Variants in IL1RAPL2 observed in about 807,000 individuals in gnomAD.
The protein encoded by IL1RAPL2 is interleukin 1 receptor accessory protein like 2, also known as X-linked interleukin-1 receptor accessory protein-like 2.
A neutral mutation model predicts 44.1 loss-of-function variants in IL1RAPL2; 3 were observed. That is an observed-to-expected ratio of 0.07 (90% CI 0.03 to 0.18). IL1RAPL2 has a LOEUF of 0.18. Among genes scored for constraint, IL1RAPL2 ranks in the 10% least tolerant of loss-of-function variants. The pLI is 1.00. For missense variants in IL1RAPL2, 391 were observed against 496.4 expected, an observed-to-expected ratio of 0.79 and a Z score of 2.02; for synonymous variants, 181 against 178.8, an observed-to-expected ratio of 1.01 and a Z score of -0.10.
In IL1RAPL2 at chrX:105,584,532, GT is replaced by G. The variant is rs11461799; in HGVS notation, c.772+100156del. Among the ~76,000 whole-genome samples, 544 of 100,337 alleles carry G rather than the reference GT, an allele frequency of 5.4e-3. 7 individuals carry two copies. Among genetic ancestry groups the G allele is most frequent in the African/African-American group, 0.018 (506 of 27,726 alleles). The allele number at this position is 100,337 out of a possible 115,157, so 87.1% of individuals were successfully genotyped here. A position where few individuals can be genotyped will look rare whatever the true frequency, so the allele number is the denominator to read the frequency against. ...CTGAGGACAGTACATAGTTGTTTCT[GT>G]TTTTTTTTTTCTTGTCTCACTTGAT... On this transcript the variant is annotated intron_variant, in intron 6 of 10. Transcript: ENST00000372582.
chrX:105,219,301 G>A (rs1253042395), intron 3 of IL1RAPL2: 5 of 1,208,130 alleles, frequency 4.1e-6, no homozygotes, highest in Non-Finnish European at 5.6e-6. Flanking sequence ...TGAGTATGAG[G>A]CAGGGAGCTG....
At chrX:104,975,575 ACTACT>A (rs1421979299) in intron 2 of IL1RAPL2, among the ~76,000 whole-genome samples, 4 of 112,801 alleles carry the variant, frequency 3.5e-5, no homozygotes, top group African/African-American at 9.6e-5. Flanking sequence ...AACTTAACAA[ACTACT>A]CTATAAACTT....
chrX:105,627,995 T>G (rs1202355930), intron 6 of IL1RAPL2, among the ~76,000 whole-genome samples: 1 of 111,193 alleles, frequency 9.0e-6, no homozygotes, highest in Non-Finnish European at 1.9e-5. Context: ...CAGAATTCCT[T>G]TATTTTGCTG....
rs149564243 is a variant in IL1RAPL2 at position 104,741,599 on chromosome X, A to G, written c.82+82604A>G. On this transcript the variant is annotated intron_variant, in intron 2 of 10. Transcript: ENST00000372582. ...CATTAATTTGTAATAACATCTATAAATTTTTGTTTGTAATATTTATAAACA... is the reference window on the plus strand; with the variant it reads ...CATTAATTTGTAATAACATCTATAAGTTTTTGTTTGTAATATTTATAAACA... Among the ~76,000 whole-genome samples the G allele has an allele frequency of 5.0e-4, 56 of 110,988 alleles. No homozygotes were observed. The East Asian group carries it at 0.015, about 30-fold the overall frequency.
At chrX:105,620,720 G>T (rs1184096991) in intron 6 of IL1RAPL2, among the ~76,000 whole-genome samples, 1 of 109,937 alleles carries the variant, frequency 9.1e-6, no homozygotes, top group African/African-American at 3.3e-5. Flanking sequence ...CAGATGGAAA[G>T]CATAACATTA....
At chrX:105,604,148 T>A (rs1049959865) in intron 6 of IL1RAPL2, among the ~76,000 whole-genome samples, 3 of 106,868 alleles carry the variant, frequency 2.8e-5, no homozygotes, top group East Asian at 3.0e-4. Context: ...TAGAAGAAAA[T>A]AAATAATATC....
intron 2 of IL1RAPL2, among the ~76,000 whole-genome samples, chrX:105,062,467 A>G (rs1192000446): frequency 6.3e-5 from 7 of 111,581 alleles, no homozygotes; most frequent in Non-Finnish European, 1.3e-4. Context: ...AGAGTAGTTT[A>G]CACACTACAC....
chrX:104,958,049 A>G (rs2081564653), intron 2 of IL1RAPL2, among the ~76,000 whole-genome samples: 1 of 112,111 alleles, frequency 8.9e-6, no homozygotes, highest in African/African-American at 3.2e-5. Context: ...CTATGATTGC[A>G]TCACTGCATC....
At chrX:104,798,973 A>G (rs1218775423) in intron 2 of IL1RAPL2, among the ~76,000 whole-genome samples, 1 of 111,226 alleles carries the variant, frequency 9.0e-6, no homozygotes, top group Non-Finnish European at 1.9e-5. Context: ...AACTAATTAT[A>G]ACTTAATTTT....
intron 3 of IL1RAPL2, among the ~76,000 whole-genome samples, chrX:105,216,417 G>A (rs1292291056): frequency 9.1e-6 from 1 of 110,271 alleles, no homozygotes; most frequent in African/African-American, 3.3e-5. Flanking sequence ...CGTCTTCAAG[G>A]AGATCTACAA....
At chrX:104,841,943 A>C (rs1921912742) in intron 2 of IL1RAPL2, among the ~76,000 whole-genome samples, 1 of 110,413 alleles carries the variant, frequency 9.1e-6, no homozygotes. Context: ...CTGTCTTGCT[A>C]GGTTGGGGAA....
chrX:104,759,087 C>A (rs758695192), intron 2 of IL1RAPL2, among the ~76,000 whole-genome samples: 1 of 112,610 alleles, frequency 8.9e-6, no homozygotes, highest in South Asian at 3.6e-4. Flanking sequence ...CTCTTAATAG[C>A]AAAGATTGAG....
rs745597514 is a variant in IL1RAPL2, at chrX:105,378,765, C to CTAACTGTA, written c.698-105548_698-105547insTAACTGTA. On this transcript the variant is annotated intron_variant, in intron 5 of 10. Coordinates refer to ENST00000372582, the MANE Select transcript of IL1RAPL2 (RefSeq NM_017416.2). The stretch of plus-strand genomic sequence containing the variant: ...TACCTTCTATTCTCTGTAACATGTT[C>CTAACTGTA]ACTAACTAGGAGCATGTTCTCTCAC... 5.9e-3 allele frequency among the ~76,000 whole-genome samples: 658 copies of CTAACTGTA among 112,202 alleles called. 2 individuals carry two copies. Among genetic ancestry groups the CTAACTGTA allele is most frequent in the Non-Finnish European group, 8.4e-3 (446 of 53,084 alleles).
intron 2 of IL1RAPL2, among the ~76,000 whole-genome samples, chrX:105,152,992 A>G (rs1259275878): frequency 3.6e-5 from 4 of 112,592 alleles, no homozygotes; most frequent in African/African-American, 1.3e-4. Flanking sequence ...TGGGTGCACA[A>G]TCATACTAAG....
At position 104,824,169 on chromosome X, in the gene IL1RAPL2, G is replaced by A. The variant is rs186052036; in HGVS notation, c.82+165174G>A. Among the ~76,000 whole-genome samples the A allele has an allele frequency of 5.8e-3, 650 of 112,234 alleles. 2 individuals carry two copies. Among genetic ancestry groups the A allele is most frequent in the Non-Finnish European group, 9.2e-3 (488 of 53,273 alleles). ...TCATGTGGTTTTTGTCATTGTTTCTGTTTATGTGATGGATTACATTTATTG... is the reference window on the plus strand; with the variant it reads ...TCATGTGGTTTTTGTCATTGTTTCTATTTATGTGATGGATTACATTTATTG... On this transcript the variant is annotated intron_variant, in intron 2 of 10. Transcript: ENST00000372582.
At chrX:105,050,336 A>T (rs1050748522) in intron 2 of IL1RAPL2, among the ~76,000 whole-genome samples, 1 of 112,131 alleles carries the variant, frequency 8.9e-6, no homozygotes, top group Non-Finnish European at 1.9e-5. Context: ...AGTTGCTATA[A>T]GATGATGCTA....
Position 105,704,763 on chromosome X carries a change from T to C in IL1RAPL2, c.773-12604T>C, listed in dbSNP as rs2038150292. Among the ~76,000 whole-genome samples, 3 of 111,074 alleles carry C rather than the reference T, an allele frequency of 2.7e-5. No individual in the cohort carries two copies. In the Admixed American group the frequency reaches 2.9e-4, roughly 11 times the overall value. On this transcript the variant is annotated intron_variant, in intron 6 of 10. Coordinates refer to ENST00000372582, the MANE Select transcript of IL1RAPL2 (RefSeq NM_017416.2). Reference sequence around the variant, plus strand: ...CCCAGCATGCATTAGCTATTTTTCCTAATGTTCTCCCTCCCACCACCCCAC... The same window carrying C: ...CCCAGCATGCATTAGCTATTTTTCCCAATGTTCTCCCTCCCACCACCCCAC...
At chrX:105,273,051 C>T (rs1024650572) in intron 5 of IL1RAPL2, among the ~76,000 whole-genome samples, 9 of 110,984 alleles carry the variant, frequency 8.1e-5, no homozygotes, top group African/African-American at 2.3e-4. Context: ...TAAATAGTAG[C>T]GGGGATTTTG....
intron 2 of IL1RAPL2, among the ~76,000 whole-genome samples, chrX:104,913,012 A>C (rs1205779991): frequency 1.8e-5 from 2 of 111,823 alleles, no homozygotes; most frequent in Non-Finnish European, 3.8e-5. Context: ...AGTAAGAGTA[A>C]GACTGTATCT....
Sources: gnomAD v4.1 joint callset for allele counts (sites outside exome capture counted in the v4.1 genomes callset) on GRCh38, gnomAD v4.1.1 for gene constraint, MANE v1.5 for transcripts, NCBI Gene and HGNC (gene_info 2026-07-23, HGNC 2026-07-21) for gene names.